Variants in GRID2 observed in about 807,000 individuals in gnomAD.
GRID2 encodes glutamate receptor ionotropic, delta-2.
A neutral mutation model predicts 114.8 loss-of-function variants in GRID2; 33 were observed. The ratio of observed to expected loss-of-function variants is 0.29; its 90% CI spans 0.22 to 0.38. GRID2 has a LOEUF of 0.38. Ranked by LOEUF, GRID2 falls within the 10% of genes least tolerant of loss-of-function variation. The pLI, the probability that GRID2 is intolerant of heterozygous loss-of-function variation, is 1.00. For missense variants in GRID2, 1,184 were observed against 1,257.7 expected (o/e 0.94, Z 0.89); for synonymous variants, 505 against 449.9 (o/e 1.12, Z -1.55).
At chr4:93,589,600 T>C (rs575751326) in intron 13 of GRID2, among the ~76,000 whole-genome samples, 10 of 152,160 alleles carry the variant, frequency 6.6e-5, no homozygotes, top group Non-Finnish European at 1.0e-4. Context: ...ATGGTATTTC[T>C]AGTTCTAGAT....
chr4:93,320,660 A>G (rs934684298), intron 8 of GRID2, among the ~76,000 whole-genome samples: 15 of 151,974 alleles, frequency 9.9e-5, no homozygotes, highest in African/African-American at 3.6e-4. Context: ...TTCTTTCTCA[A>G]TGTAAGAGGA....
chr4:92,776,082 ATTCC>A (rs1402971239), intron 2 of GRID2, among the ~76,000 whole-genome samples: 5 of 152,270 alleles, frequency 3.3e-5, no homozygotes, highest in South Asian at 2.1e-4. Flanking sequence ...TAAAACTTTT[ATTCC>A]TTTTATTTTG....
chr4:92,379,982 G>C (rs61323657), intron 1 of GRID2, among the ~76,000 whole-genome samples: 1 of 151,846 alleles, frequency 6.6e-6, no homozygotes, highest in African/African-American at 2.4e-5. Context: ...AATATCGTTT[G>C]TTGTAAGCAA....
chr4:93,440,389 C>T (rs897671909), intron 10 of GRID2, among the ~76,000 whole-genome samples: 4 of 151,968 alleles, frequency 2.6e-5, no homozygotes, highest in African/African-American at 9.7e-5. Context: ...CTTATAGAGA[C>T]TTTAAATTGG....
At chr4:93,127,538 G>A (rs1288600433) in intron 4 of GRID2, among the ~76,000 whole-genome samples, 2 of 152,156 alleles carry the variant, frequency 1.3e-5, no homozygotes, top group African/African-American at 4.8e-5. Context: ...AGACACTGCT[G>A]TATGTGTATT....
intron 8 of GRID2, among the ~76,000 whole-genome samples, chr4:93,359,640 A>G (rs752580393): frequency 4.6e-5 from 7 of 150,852 alleles, no homozygotes; most frequent in Non-Finnish European, 7.4e-5. Context: ...TGATTTTTAG[A>G]TCACAAATAA....
At chr4:92,517,394 C>T (rs770168315) in intron 1 of GRID2, among the ~76,000 whole-genome samples, 25 of 151,714 alleles carry the variant, frequency 1.6e-4, no homozygotes, top group Non-Finnish European at 2.8e-4. Context: ...AGCTGGTAAA[C>T]AAAAATGAAA....
At chr4:92,428,129 A>AG (rs1369492694) in intron 1 of GRID2, among the ~76,000 whole-genome samples, 2 of 151,812 alleles carry the variant, frequency 1.3e-5, no homozygotes, top group African/African-American at 2.4e-5. Flanking sequence ...GGGCGTGGTG[A>AG]GGGGTGCCTG....
chr4:92,416,606 C>G (rs1016182331), intron 1 of GRID2, among the ~76,000 whole-genome samples: 1 of 152,086 alleles, frequency 6.6e-6, no homozygotes, highest in African/African-American at 2.4e-5. Flanking sequence ...GGATCCAGCT[C>G]TATTCTCCTA....
intron 2 of GRID2, among the ~76,000 whole-genome samples, chr4:92,624,507 C>T (rs943940676): frequency 6.6e-6 from 1 of 151,790 alleles, no homozygotes; most frequent in Non-Finnish European, 1.5e-5. Context: ...CCAAATATCT[C>T]TTGATGGAAT....
chr4:93,198,346 A>G (rs1741714218), intron 4 of GRID2, among the ~76,000 whole-genome samples: 1 of 152,154 alleles, frequency 6.6e-6, no homozygotes, highest in South Asian at 2.1e-4. Flanking sequence ...GCAATAATGG[A>G]TGATCATAGA....
At chr4:93,579,702 G>A (rs1267167840) in intron 13 of GRID2, among the ~76,000 whole-genome samples, 1 of 152,110 alleles carries the variant, frequency 6.6e-6, no homozygotes, top group Non-Finnish European at 1.5e-5. Context: ...TTCTCAGTGA[G>A]CCTGCATTTG....
intron 4 of GRID2, among the ~76,000 whole-genome samples, chr4:93,139,322 G>A (rs1304153362): frequency 1.3e-5 from 2 of 152,144 alleles, no homozygotes; most frequent in African/African-American, 2.4e-5. Flanking sequence ...TAGCAAATTT[G>A]CAGGCAGAGG....
intron 2 of GRID2, among the ~76,000 whole-genome samples, chr4:92,909,226 A>C (rs2149489206): frequency 6.6e-6 from 1 of 151,928 alleles, no homozygotes; most frequent in African/African-American, 2.4e-5. Flanking sequence ...CTACACTATC[A>C]TAGAACTGTG....
chr4:92,920,328 G>T (rs1265412148), intron 2 of GRID2, among the ~76,000 whole-genome samples: 1 of 152,126 alleles, frequency 6.6e-6, no homozygotes, highest in Admixed American at 6.5e-5. Flanking sequence ...GTTTTAATTG[G>T]AGCATTTATC....
chr4:93,715,313 A>G (rs957980842), intron 14 of GRID2, among the ~76,000 whole-genome samples: 4 of 152,244 alleles, frequency 2.6e-5, no homozygotes, highest in African/African-American at 9.6e-5. Context: ...TACCAGTACC[A>G]TGCTATTTTG....
intron 14 of GRID2, among the ~76,000 whole-genome samples, chr4:93,699,119 T>G (rs983647481): frequency 6.6e-6 from 1 of 152,080 alleles, no homozygotes; most frequent in African/African-American, 2.4e-5. Flanking sequence ...TTATTACTAT[T>G]GTAACACCAA....
At chr4:92,603,652 G>A (rs182207825) in intron 2 of GRID2, among the ~76,000 whole-genome samples, 52 of 151,976 alleles carry the variant, frequency 3.4e-4, no homozygotes, top group Admixed American at 5.9e-4. Flanking sequence ...TGAAGAAAAC[G>A]CCCAAAGCAA....
At chr4:92,443,218 A>G (rs1273243591) in intron 1 of GRID2, among the ~76,000 whole-genome samples, 1 of 152,142 alleles carries the variant, frequency 6.6e-6, no homozygotes, top group African/African-American at 2.4e-5. Context: ...CCGTTTGCCT[A>G]TTTTATGACA....
Sources: allele counts gnomAD v4.1 joint callset (sites outside exome capture counted in the v4.1 genomes callset), GRCh38; gene constraint gnomAD v4.1.1; transcripts MANE v1.5; gene names NCBI Gene and HGNC (gene_info 2026-07-23, HGNC 2026-07-21).